The following EYS variants were observed in gnomAD, a reference collection of about 807,000 sequenced individuals.
EYS encodes the protein protein eyes shut homolog.
EYS carries 250 observed loss-of-function variants against 282.1 expected under a neutral mutation model. The observed-to-expected ratio is 0.89, with a 90% CI of 0.80 to 0.98. EYS has a LOEUF of 0.98. EYS is among the 50% of genes least tolerant of loss of function. The pLI is 0.00. For synonymous variants in EYS, 1,355 were observed against 1,282.9 expected, an observed-to-expected ratio of 1.06 and a Z score of -1.20; for missense variants, 4,016 against 3,709.0, an observed-to-expected ratio of 1.08 and a Z score of -2.15.
At chr6:63,739,693 A>T (rs1386290592) in intron 41 of EYS, among the ~76,000 whole-genome samples, 1 of 151,826 alleles carries the variant, frequency 6.6e-6, no homozygotes, top group Non-Finnish European at 1.5e-5. Context: ...TAAAAAGTAA[A>T]CTTATTCCCC....
chr6:64,010,839 C>T (rs1164323582), intron 33 of EYS, among the ~76,000 whole-genome samples: 1 of 152,140 alleles, frequency 6.6e-6, no homozygotes, highest in Non-Finnish European at 1.5e-5. Flanking sequence ...ATTCACAGAG[C>T]TGACAGACTG....
intron 23 of EYS, among the ~76,000 whole-genome samples, chr6:64,618,516 T>A (rs1767344959): frequency 6.6e-6 from 1 of 152,196 alleles, no homozygotes; most frequent in African/African-American, 2.4e-5. Flanking sequence ...CCCTGGCTGT[T>A]GGGAAATGTA....
intron 30 of EYS, among the ~76,000 whole-genome samples, chr6:64,283,274 G>GTTAACTAA (rs1398815013): frequency 1.3e-5 from 2 of 152,060 alleles, no homozygotes; most frequent in Non-Finnish European, 2.9e-5. Flanking sequence ...AACTAACATA[G>GTTAACTAA]TTAATTAGGC....
At chr6:65,056,723 T>C (rs1288195748) in intron 13 of EYS, among the ~76,000 whole-genome samples, 1 of 152,156 alleles carries the variant, frequency 6.6e-6, no homozygotes, top group Non-Finnish European at 1.5e-5. Context: ...TAGTGTCTAT[T>C]ATATAAATAT....
chr6:64,963,559 C>G (rs1212352336), intron 14 of EYS, among the ~76,000 whole-genome samples: 1 of 152,128 alleles, frequency 6.6e-6, no homozygotes, highest in East Asian at 1.9e-4. Context: ...ACAGAGACCT[C>G]ATTGATGCAA....
chr6:65,182,751 G>A (rs1000177179), intron 12 of EYS, among the ~76,000 whole-genome samples: 1 of 151,728 alleles, frequency 6.6e-6, no homozygotes, highest in East Asian at 2.0e-4. Context: ...AATTGGATAA[G>A]TCTCAAACAA....
intron 13 of EYS, among the ~76,000 whole-genome samples, chr6:65,055,675 G>C (rs1373611459): frequency 6.6e-6 from 1 of 151,944 alleles, no homozygotes; most frequent in East Asian, 1.9e-4. Context: ...AGAAATTCTA[G>C]TCAAGTATTT....
At chr6:64,761,476 G>A (rs1408963363) in intron 22 of EYS, among the ~76,000 whole-genome samples, 8 of 152,218 alleles carry the variant, frequency 5.3e-5, no homozygotes, top group Middle Eastern at 3.4e-3. Flanking sequence ...TGAATGATTA[G>A]TATTATTTTA....
intron 2 of EYS, among the ~76,000 whole-genome samples, chr6:65,568,299 CT>C (rs1764354469): frequency 6.7e-5 from 5 of 75,112 alleles, no homozygotes; most frequent in African/African-American, 3.3e-4. Flanking sequence ...TTCTTTTTTT[CT>C]TTTTTTTCTT....
At chr6:65,555,535 A>C (rs1167538850) in intron 2 of EYS, among the ~76,000 whole-genome samples, 3 of 152,142 alleles carry the variant, frequency 2.0e-5, no homozygotes. Context: ...TTTGCATAAA[A>C]CTACATTTGA....
chr6:64,783,108 T>C (rs913542488), intron 22 of EYS, among the ~76,000 whole-genome samples: 1 of 152,122 alleles, frequency 6.6e-6, no homozygotes, highest in Non-Finnish European at 1.5e-5. Flanking sequence ...TACCCACCTA[T>C]CAGTCACATA....
At chr6:64,586,234 C>A (rs1357631053) in intron 26 of EYS, among the ~76,000 whole-genome samples, 4 of 152,130 alleles carry the variant, frequency 2.6e-5, no homozygotes, top group African/African-American at 9.6e-5. Context: ...ACACCTCATT[C>A]TGGTGAAGAA....
chr6:63,960,109 T>C (rs1195227402), intron 35 of EYS, among the ~76,000 whole-genome samples: 1 of 152,018 alleles, frequency 6.6e-6, no homozygotes, highest in East Asian at 1.9e-4. Flanking sequence ...GAAAAGTTAA[T>C]TGAAAACTGG....
In EYS at chr6:63,980,390, G is replaced by C. The variant is rs116882629; in HGVS notation, c.7055+3993C>G. Among the ~76,000 whole-genome samples the C allele has an allele frequency of 1.6e-3, 245 of 151,802 alleles. 2 individuals are homozygous for C. In the East Asian group the frequency reaches 0.035, roughly 22 times the overall value. On this transcript the variant is annotated intron_variant, in intron 35 of 42. Coordinates refer to ENST00000503581, the MANE Select transcript of EYS (RefSeq NM_001142800.2). Reference sequence around the variant, plus strand: ...AACAATTAAACTGTGATGAGAAATTGTTATTTGCATTTCAAAGTAAAACTT... The same window carrying C: ...AACAATTAAACTGTGATGAGAAATTCTTATTTGCATTTCAAAGTAAAACTT...
intron 29 of EYS, among the ~76,000 whole-genome samples, chr6:64,331,130 A>G (rs1032850544): frequency 1.3e-5 from 2 of 152,200 alleles, no homozygotes; most frequent in East Asian, 3.9e-4. Flanking sequence ...GAGCTGAGCT[A>G]ATAGCTCTCA....
intron 12 of EYS, among the ~76,000 whole-genome samples, chr6:65,149,141 C>A (rs1053569840): frequency 2.4e-4 from 37 of 152,228 alleles, no homozygotes; most frequent in African/African-American, 6.3e-4. Flanking sequence ...ATGCAAATTT[C>A]TGTAGTAGGC....
chr6:65,660,693 T>A (rs1205376334), intron 1 of EYS, among the ~76,000 whole-genome samples: 2 of 151,836 alleles, frequency 1.3e-5, no homozygotes. Context: ...TAACATGAAA[T>A]AACAGACATA....
At chr6:64,419,818 G>A (rs938044535) in intron 28 of EYS, among the ~76,000 whole-genome samples, 5 of 152,204 alleles carry the variant, frequency 3.3e-5, no homozygotes, top group African/African-American at 9.7e-5. Flanking sequence ...AGGGGCTGGT[G>A]TTGAATGTCT....
At chr6:64,515,956 C>A (rs1777549865) in intron 26 of EYS, among the ~76,000 whole-genome samples, 1 of 151,682 alleles carries the variant, frequency 6.6e-6, no homozygotes, top group African/African-American at 2.4e-5. Context: ...TGTATATTAA[C>A]TAGGTTTTCC....
Sources: gnomAD v4.1 joint callset for allele counts (sites outside exome capture counted in the v4.1 genomes callset) on GRCh38, gnomAD v4.1.1 for gene constraint, MANE v1.5 for transcripts, NCBI Gene and HGNC (gene_info 2026-07-23, HGNC 2026-07-21) for gene names.